Variants in DNAL4 observed in about 807,000 individuals in gnomAD.
The protein encoded by DNAL4 is dynein light chain, outer arm 4.
DNAL4 carries 10 observed loss-of-function variants against 12.6 expected under a neutral mutation model. The ratio of observed to expected loss-of-function variants is 0.79; its 90% CI spans 0.49 to 1.34. The LOEUF (loss-of-function observed/expected upper bound fraction) is 1.34, where lower values mean the gene tolerates loss of function less well. Ranked by LOEUF, DNAL4 falls within the 40% of genes most tolerant of loss-of-function variation. The pLI, the probability that DNAL4 is intolerant of heterozygous loss-of-function variation, is 0.00. For missense variants in DNAL4, 128 were observed against 138.1 expected, an observed-to-expected ratio of 0.93 and a Z score of 0.37; for synonymous variants, 46 against 53.1, an observed-to-expected ratio of 0.87 and a Z score of 0.58.
intron 1 of DNAL4, among the ~76,000 whole-genome samples, chr22:38,786,190 C>A (rs2093041942): frequency 6.6e-6 from 1 of 152,224 alleles, no homozygotes; most frequent in Non-Finnish European, 1.5e-5. Context: ...CCTTATCAAT[C>A]TTCCATGCAG....
chr22:38,780,168 G>C (rs1490663427), intron 3 of DNAL4, among the ~76,000 whole-genome samples: 4 of 152,212 alleles, frequency 2.6e-5, no homozygotes, highest in Non-Finnish European at 5.9e-5. Context: ...CCGCTCGGCA[G>C]GGCGAGTCCA....
chr22:38,792,542 C>G (rs902437730), intron 1 of DNAL4, among the ~76,000 whole-genome samples: 1 of 152,216 alleles, frequency 6.6e-6, no homozygotes, highest in African/African-American at 2.4e-5. Flanking sequence ...GTCGGCCTCC[C>G]GAAGTGCTGG....
intron 1 of DNAL4, among the ~76,000 whole-genome samples, chr22:38,788,846 T>C (rs1411484672): frequency 1.3e-5 from 2 of 152,226 alleles, no homozygotes; most frequent in Non-Finnish European, 2.9e-5. Flanking sequence ...AATTGCTAAT[T>C]ACCAGTGACA....
At chr22:38,784,723 C>T (rs1218252224) in intron 1 of DNAL4, among the ~76,000 whole-genome samples, 1 of 152,156 alleles carries the variant, frequency 6.6e-6, no homozygotes, top group Non-Finnish European at 1.5e-5. Context: ...CCGTGTTAGC[C>T]AGGATGGTCT....
intron 1 of DNAL4, chr22:38,785,999 TA>T (rs1187651652): frequency 6.6e-6 from 1 of 152,216 alleles, no homozygotes; most frequent in East Asian, 1.9e-4. Context: ...TCTGGGGACC[TA>T]AAAGAGATGA....
intron 1 of DNAL4, among the ~76,000 whole-genome samples, chr22:38,792,561 G>C (rs2093052549): frequency 6.6e-6 from 1 of 152,210 alleles, no homozygotes; most frequent in Non-Finnish European, 1.5e-5. Flanking sequence ...GGGATTAATA[G>C]GCGTGAGCCA....
chr22:38,785,608 A>C (rs1603239883), intron 1 of DNAL4: 1 of 152,384 alleles, frequency 6.6e-6, no homozygotes, highest in Non-Finnish European at 1.5e-5. Flanking sequence ...AGCCAGTGGG[A>C]GAGTGACCTG....
chr22:38,782,599 AC>A lies in DNAL4; in HGVS notation c.69+63del. 6.4e-7 allele frequency: 1 copy of A among 1,563,914 alleles called. No homozygotes were observed. The highest frequency in any genetic ancestry group is 8.8e-7 in the Non-Finnish European group (1 of 1,140,538). On this transcript the variant is annotated intron_variant, in intron 2 of 3. Coordinates refer to ENST00000216068, the MANE Select transcript of DNAL4 (RefSeq NM_005740.3). This position sits in a 1 kb window ranked among gnomAD's most constrained non-coding sequence, Gnocchi z 5.1. ...TGCCATCCTGCAAGGGACAAGCTCC[AC>A]CCACCTCTCTCCAGGCTGTGTGGGC...
intron 1 of DNAL4, among the ~76,000 whole-genome samples, chr22:38,783,136 C>T (rs1033319078): frequency 6.6e-6 from 1 of 152,180 alleles, no homozygotes; most frequent in Non-Finnish European, 1.5e-5. Context: ...AGGATGGAGG[C>T]TTGAGCTGGC....
intron 1 of DNAL4, among the ~76,000 whole-genome samples, chr22:38,784,452 T>G (rs2093039091): frequency 6.6e-6 from 1 of 151,266 alleles, no homozygotes; most frequent in Admixed American, 6.6e-5. Flanking sequence ...GCTCCTATCA[T>G]CCTAGAAGGG....
Position 38,788,694 on chromosome 22 carries a change from G to A in DNAL4, c.-140+5374C>T, listed in dbSNP as rs80340274. 7.1e-3 allele frequency among the ~76,000 whole-genome samples: 1,075 copies of A among 152,322 alleles called. 14 individuals are homozygous for A. Among genetic ancestry groups the A allele is most frequent in the African/African-American group, 0.025 (1,040 of 41,568 alleles). On this transcript the variant is annotated intron_variant, in intron 1 of 3. Transcript: ENST00000216068. ...AGCTATTAGCTCCCGGAGAACAGCT[G>A]CTCGCCACACACAGCAGGGCAGGCT...
chr22:38,782,971 A>C lies in DNAL4; in HGVS notation c.-139-101T>G. The C allele has an allele frequency of 4.4e-5, 17 of 387,670 alleles. No individual in the cohort carries two copies. The highest frequency in any genetic ancestry group is 9.5e-5 in the Admixed American group (2 of 21,160). The allele number at this position is 387,670 out of a possible 1,614,324, so 24.0% of individuals were successfully genotyped here. A position where few individuals can be genotyped will look rare whatever the true frequency, so the allele number is the denominator to read the frequency against. On this transcript the variant is annotated intron_variant, in intron 1 of 3. Transcript: ENST00000216068. This position sits in a 1 kb window ranked among gnomAD's most constrained non-coding sequence, Gnocchi z 5.1. ...AACAATCTGACACCTCCCCATCTTA[A>C]CTCCTCCGCACCCTTTTCCAAATGG...
intron 2 of DNAL4, 140 bp from the exon 3 acceptor site, chr22:38,781,149 C>T: frequency 1.2e-6 from 1 of 846,158 alleles, no homozygotes; most frequent in Non-Finnish European, 1.9e-6. Flanking sequence ...TGACCCATCT[C>T]CTGACTGAGG....
Position 38,793,725 on chromosome 22 carries a change from C to T in DNAL4, c.-140+343G>A, listed in dbSNP as rs960435926. Among the ~76,000 whole-genome samples the T allele has an allele frequency of 2.0e-5, 3 of 151,976 alleles. No individual in the cohort carries two copies. The South Asian group carries it at 6.2e-4, about 32-fold the overall frequency. On this transcript the variant is annotated intron_variant, in intron 1 of 3. Transcript: ENST00000216068. ...TCTGACCTAGTTGATGGCGACCCCG[C>T]GGGAGAGGGAATTACTCCGCGAAAG... is the stretch of plus-strand genomic sequence containing the variant.
In DNAL4 at chr22:38,781,696, A is replaced by G. The variant is rs948181226; in HGVS notation, c.70-687T>C. Among the ~76,000 whole-genome samples the G allele has an allele frequency of 3.3e-5, 5 of 152,044 alleles. No individual in the cohort carries two copies. In the East Asian group the frequency reaches 9.7e-4, roughly 29 times the overall value. On this transcript the variant is annotated intron_variant, in intron 2 of 3. Transcript: ENST00000216068. ...TTCCATCTCCTTTTCCTGGTAATTG[A>G]TACCATTTTTTCTCCCAATACTCAG... is the stretch of plus-strand genomic sequence containing the variant.
intron 3 of DNAL4, among the ~76,000 whole-genome samples, chr22:38,780,425 T>TCC (rs1002596238): frequency 5.3e-5 from 8 of 152,122 alleles, no homozygotes; most frequent in African/African-American, 1.9e-4. Flanking sequence ...AAGCCTGGGC[T>TCC]CCCACTGGCC....
chr22:38,789,915 C>G (rs2093048038), intron 1 of DNAL4, among the ~76,000 whole-genome samples: 1 of 152,210 alleles, frequency 6.6e-6, no homozygotes, highest in African/African-American at 2.4e-5. Context: ...GAAAGTCTAA[C>G]AGTCCGATTT....
rs79995946 is a variant in DNAL4, at chr22:38,779,918, C to T, written c.154-305G>A. Among the ~76,000 whole-genome samples the T allele has an allele frequency of 0.022, 3,343 of 152,278 alleles. 113 individuals carry two copies. Among genetic ancestry groups the T allele is most frequent in the African/African-American group, 0.077 (3,195 of 41,540 alleles). On this transcript the variant is annotated intron_variant, in intron 3 of 3. Transcript: ENST00000216068. The surrounding 1 kb of genome is among the most constrained non-coding windows in gnomAD (Gnocchi z 4.3). ...GTCCTGGCTCTGCACTTAGTGCGGGCTTCCTGGGCCAGTGCCACCTCCCTC... is the reference window on the plus strand; with the variant it reads ...GTCCTGGCTCTGCACTTAGTGCGGGTTTCCTGGGCCAGTGCCACCTCCCTC...
chr22:38,782,826 C>G lies in DNAL4; in HGVS notation c.-95G>C, dbSNP rs1295905574. ...CACCCAGGAGATTCAGGAAGCAGGC[C>G]CTGCCAACTCGGTGGGAGCAGAAAA... On this transcript the variant is annotated 5_prime_UTR_variant, in exon 2 of 4. Coordinates refer to ENST00000216068, the MANE Select transcript of DNAL4 (RefSeq NM_005740.3). This position sits in a 1 kb window ranked among gnomAD's most constrained non-coding sequence, Gnocchi z 5.1. 1.0e-5 allele frequency: 12 copies of G among 1,203,996 alleles called. No homozygotes were observed. Among genetic ancestry groups the G allele is most frequent in the Non-Finnish European group, 1.4e-5 (12 of 869,484 alleles). The allele number at this position is 1,203,996 out of a possible 1,614,324, so 74.6% of individuals were successfully genotyped here.
Sources: allele counts gnomAD v4.1 joint callset (sites outside exome capture counted in the v4.1 genomes callset), GRCh38; gene constraint gnomAD v4.1.1; non-coding constraint Gnocchi (gnomAD v3.1); transcripts MANE v1.5; gene names NCBI Gene and HGNC (gene_info 2026-07-23, HGNC 2026-07-21).